INPP5F: variants seen among roughly 807,000 people sequenced by gnomAD.
INPP5F encodes the protein phosphatidylinositide 4-phosphatase SAC2.
In INPP5F, 97 loss-of-function variants were observed where a neutral mutation model predicts 137.2. The ratio of observed to expected loss-of-function variants is 0.71; its 90% confidence interval spans 0.60 to 0.84. The LOEUF (loss-of-function observed/expected upper bound fraction) is 0.84, where lower values mean the gene tolerates loss of function less well. INPP5F is among the 40% of genes least tolerant of loss of function. INPP5F has a pLI of 0.00. For missense variants in INPP5F, 1,271 were observed against 1,371.9 expected (o/e 0.93, Z 1.16); for synonymous variants, 504 against 476.9 (o/e 1.06, Z -0.74).
At chr10:119,813,629 A>G (rs1423061910) in intron 15 of INPP5F, among the ~76,000 whole-genome samples, 1 of 152,138 alleles carries the variant, frequency 6.6e-6, no homozygotes, top group African/African-American at 2.4e-5. Context: ...TGTCTCAAAA[A>G]AAACAAAACA....
At chr10:119,780,693 AT>A (rs1849672161) in intron 2 of INPP5F, among the ~76,000 whole-genome samples, 1 of 152,176 alleles carries the variant, frequency 6.6e-6, no homozygotes, top group African/African-American at 2.4e-5. Context: ...CACATGGAAA[AT>A]TTTTGGAAAA....
At chr10:119,818,466 C>T (rs1851380946) in intron 15 of INPP5F, among the ~76,000 whole-genome samples, 1 of 152,362 alleles carries the variant, frequency 6.6e-6, no homozygotes, top group Non-Finnish European at 1.5e-5. Flanking sequence ...CCTCGCCCGG[C>T]CCGCCAGCGC....
chr10:119,810,096 A>G lies in INPP5F; in HGVS notation c.1570-4A>G, dbSNP rs1211977764. ...AGATGTCAAAATCAGTTTTTGTTTG[A>G]CAGGGTGACTTTACAAGGACAGGAG... On this transcript the variant is annotated splice_region_variant and splice_polypyrimidine_tract_variant and intron_variant, in intron 13 of 19. Coordinates refer to ENST00000650623, the MANE Select transcript of INPP5F (RefSeq NM_014937.4). 5.1e-6 allele frequency: 8 copies of G among 1,576,932 alleles called. No homozygotes were observed. Among genetic ancestry groups the G allele is most frequent in the Non-Finnish European group, 7.0e-6 (8 of 1,148,484 alleles).
chr10:119,744,854 C>G (rs983787047), intron 1 of INPP5F, among the ~76,000 whole-genome samples: 1 of 152,190 alleles, frequency 6.6e-6, no homozygotes, highest in South Asian at 2.1e-4. Flanking sequence ...TCCCTCCTCT[C>G]GTTCTTAAAT....
At chr10:119,797,891 T>A (rs1306833633) in intron 8 of INPP5F, among the ~76,000 whole-genome samples, 1 of 152,236 alleles carries the variant, frequency 6.6e-6, no homozygotes. Flanking sequence ...TTTAAATTGC[T>A]ATCGCTTTGA....
intron 19 of INPP5F, among the ~76,000 whole-genome samples, chr10:119,826,369 T>G (rs2134308655): frequency 6.6e-6 from 1 of 152,344 alleles, no homozygotes; most frequent in South Asian, 2.1e-4. Flanking sequence ...TTTGTATATA[T>G]TGGGTTAAAT....
At chr10:119,810,773 T>G (rs1312735436) in intron 14 of INPP5F, among the ~76,000 whole-genome samples, 1 of 152,180 alleles carries the variant, frequency 6.6e-6, no homozygotes, top group East Asian at 1.9e-4. Flanking sequence ...ATTTTAAAAA[T>G]TTAATACTCA....
intron 1 of INPP5F, among the ~76,000 whole-genome samples, chr10:119,747,572 G>T (rs895502859): frequency 3.3e-5 from 5 of 152,068 alleles, no homozygotes; most frequent in Admixed American, 6.6e-5. Context: ...TATGCTTCTG[G>T]CAGAAATCTA....
intron 1 of INPP5F, 122 bp downstream of exon 1, chr10:119,726,481 G>T: frequency 2.4e-6 from 1 of 415,418 alleles, no homozygotes; most frequent in Admixed American, 5.1e-5. Flanking sequence ...GGGGCGGGGC[G>T]GGCTGCGAGC....
At chr10:119,800,916 C>T (rs1461398640) in intron 9 of INPP5F, among the ~76,000 whole-genome samples, 2 of 141,472 alleles carry the variant, frequency 1.4e-5, no homozygotes, top group Non-Finnish European at 3.0e-5. Context: ...TACCACTGTG[C>T]TCCAGCAGGT....
Position 119,823,814 on chromosome 10 carries a change from G to GA in INPP5F, c.2162dup (p.Asp721GlufsTer25). 6.2e-7 allele frequency: 1 copy of GA among 1,612,430 alleles called. No individual in the cohort carries two copies. The highest frequency in any genetic ancestry group is 8.5e-7 in the Non-Finnish European group (1 of 1,179,094). ...GGCAGGCAGTTATATTTGGGTTGCA[G>GA]ATACCCTTCAGTGCATTGCAGAGAT... On this transcript the variant is annotated frameshift_variant and splice_region_variant. Transcript: ENST00000650623. LOFTEE classifies it high-confidence loss of function.
intron 10 of INPP5F, among the ~76,000 whole-genome samples, chr10:119,804,725 A>C (rs1589734982): frequency 6.7e-6 from 1 of 148,914 alleles, no homozygotes. Context: ...CAATCAGGGC[A>C]TCTTTTTTTT....
intron 1 of INPP5F, among the ~76,000 whole-genome samples, chr10:119,745,737 CT>C (rs1217575809): frequency 2.2e-5 from 3 of 137,450 alleles, no homozygotes; most frequent in Non-Finnish European, 4.6e-5. Flanking sequence ...TGAAGCCTCA[CT>C]CTGTTAGCCA....
Position 119,823,870 on chromosome 10 carries a change from G to A in INPP5F, c.2217G>A (p.Ser739=), listed in dbSNP as rs41309996. Reference sequence around the variant, plus strand: ...AGATCACCAAGCAAGCCATGGGATCGGATTTACCCATAATTGAGAAGAAAC... The same window carrying A: ...AGATCACCAAGCAAGCCATGGGATCAGATTTACCCATAATTGAGAAGAAAC... ...MLQITKQAMG[S]DLPIIEKKLE... Residue 739 remains serine, a synonymous_variant, in exon 19 of 20, where the codon TCG becomes TCA. Transcript: ENST00000650623. 3,003 of 1,613,776 alleles carry A rather than the reference G, an allele frequency of 1.9e-3. 19 individuals carry two copies. The highest frequency in any genetic ancestry group is 8.9e-3 in the South Asian group (809 of 91,062).
At position 119,786,251 on chromosome 10, in the gene INPP5F, A is replaced by T. The variant is rs181651990; in HGVS notation, c.315+4480A>T. Among the ~76,000 whole-genome samples the T allele has an allele frequency of 2.8e-3, 421 of 152,280 alleles. 2 individuals carry two copies. The highest frequency in any genetic ancestry group is 9.7e-3 in the African/African-American group (404 of 41,566). On this transcript the variant is annotated intron_variant, in intron 3 of 19. Coordinates refer to ENST00000650623, the MANE Select transcript of INPP5F (RefSeq NM_014937.4). ...TTGTGGCTGTGGTGTTGTCTTTTTG[A>T]GATCGCGTGTTTCAGAGTTGTGATA...
intron 1 of INPP5F, among the ~76,000 whole-genome samples, chr10:119,737,235 C>T (rs1255041059): frequency 3.3e-5 from 5 of 152,022 alleles, no homozygotes; most frequent in South Asian, 2.1e-4. Flanking sequence ...GCTTTTATGC[C>T]GCCTCCCTAT....
At chr10:119,758,276 G>A (rs576400339) in intron 2 of INPP5F, among the ~76,000 whole-genome samples, 21 of 152,318 alleles carry the variant, frequency 1.4e-4, no homozygotes, top group Admixed American at 1.3e-3. Flanking sequence ...GGTGCTCCTG[G>A]ATGGAAAGCA....
In INPP5F at chr10:119,828,129, G is replaced by T. The variant is rs900144351; in HGVS notation, c.*349G>T. On this transcript the variant is annotated 3_prime_UTR_variant, in exon 20 of 20. Transcript: ENST00000650623. Reference sequence around the variant, plus strand: ...AGGGCTGGACATGCAGATGCTTAGGGGATTAGCGTTTTTCATAATTTGTTC... The same window carrying T: ...AGGGCTGGACATGCAGATGCTTAGGTGATTAGCGTTTTTCATAATTTGTTC... The T allele has an allele frequency of 5.7e-6, 1 of 175,190 alleles. No individual in the cohort carries two copies. Among genetic ancestry groups the T allele is most frequent in the Non-Finnish European group, 1.2e-5 (1 of 82,666 alleles). 10.9% of individuals were successfully genotyped at this position (175,190 alleles called of 1,614,324 possible).
At chr10:119,821,006 GA>G in intron 16 of INPP5F, 89 bp downstream of exon 16, 1 of 830,316 alleles carries the variant, frequency 1.2e-6, no homozygotes, top group East Asian at 2.5e-5. Context: ...AAAAATGTGA[GA>G]ATATGGTTTT....
Sources: allele counts gnomAD v4.1 joint callset (sites outside exome capture counted in the v4.1 genomes callset), GRCh38; gene constraint gnomAD v4.1.1; transcripts MANE v1.5; gene names NCBI Gene and HGNC (gene_info 2026-07-23, HGNC 2026-07-21).